UPF3B: variants seen among roughly 807,000 people sequenced by gnomAD.
UPF3B encodes the protein UPF3B regulator of nonsense mediated mRNA decay.
UPF3B carries 7 observed loss-of-function variants against 40.3 expected under a neutral mutation model. The ratio of observed to expected loss-of-function variants is 0.17; its 90% CI spans 0.10 to 0.33. UPF3B has a LOEUF of 0.33. UPF3B is among the 10% of genes least tolerant of loss of function. The pLI is 1.00. For synonymous variants in UPF3B, 117 were observed against 117.3 expected (o/e 1.00, Z 0.01); for missense variants, 229 against 358.9 (o/e 0.64, Z 2.93).
At chrX:119,826,096 G>A (rs1450174519) in intron 3 of UPF3B, among the ~76,000 whole-genome samples, 1 of 111,786 alleles carries the variant, frequency 8.9e-6, no homozygotes, top group Non-Finnish European at 1.9e-5. Flanking sequence ...GGGAGGCGGA[G>A]CTTGCAGTGA....
At chrX:119,820,734 G>T (rs1459889920) in intron 4 of UPF3B, among the ~76,000 whole-genome samples, 1 of 110,873 alleles carries the variant, frequency 9.0e-6, no homozygotes, top group East Asian at 2.8e-4. Flanking sequence ...CTCCCAAAGT[G>T]CTGGGATTAC....
At chrX:119,807,672 AC>A in intron 5 of UPF3B, 2 of 472,299 alleles carry the variant, frequency 4.2e-6, no homozygotes, top group Non-Finnish European at 5.2e-6. Context: ...ATTAATATAT[AC>A]TAAAGCTCAG....
At chrX:119,831,267 G>C (rs1037954887), downstream of UPF3B, among the ~76,000 whole-genome samples, 3 of 110,400 alleles carry the variant, frequency 2.7e-5, no homozygotes, top group African/African-American at 6.6e-5. Context: ...TGGCTGCCTA[G>C]ACAGTCAGGA....
chrX:119,816,883 GT>G (rs1246252351), intron 4 of UPF3B, among the ~76,000 whole-genome samples: 2 of 111,439 alleles, frequency 1.8e-5, no homozygotes, highest in South Asian at 7.5e-4. Context: ...ATATTAATTG[GT>G]TTTCACACTA....
At chrX:119,830,727 T>C (rs1201136573), downstream of UPF3B, among the ~76,000 whole-genome samples, 1 of 103,797 alleles carries the variant, frequency 9.6e-6, no homozygotes, top group Non-Finnish European at 1.9e-5. Flanking sequence ...AGAGATGAAT[T>C]CAGTACTGTG....
At chrX:119,820,696 T>A (rs2147762681) in intron 4 of UPF3B, among the ~76,000 whole-genome samples, 1 of 109,468 alleles carries the variant, frequency 9.1e-6, no homozygotes, top group Admixed American at 9.8e-5. Flanking sequence ...CTCGAACTCC[T>A]GACCTCAGGT....
chrX:119,837,675 T>A, intron 10 of UPF3B, 82 bp downstream of exon 10: 2 of 906,302 alleles, frequency 2.2e-6, no homozygotes, highest in Non-Finnish European at 1.5e-6. Flanking sequence ...AATTCTATAA[T>A]AACAGTGCCC....
intron 5 of UPF3B, among the ~76,000 whole-genome samples, chrX:119,842,581 CACACACACACACACACACACACAT>C (rs991868371): frequency 1.0e-4 from 6 of 59,574 alleles, no homozygotes; most frequent in Admixed American, 2.1e-4. Flanking sequence ...CTCCATCTCT[CACACACACACACACACACACACAT>C]ACACACACAC....
downstream of UPF3B, chrX:119,833,921 A>G (rs1471412062): frequency 3.8e-6 from 2 of 532,827 alleles, no homozygotes; most frequent in Non-Finnish European, 4.6e-6. Flanking sequence ...CATGAGTTAA[A>G]GCTCCCTTAG....
At chrX:119,835,518 A>AGCC (rs750053994) in intron 10 of UPF3B, among the ~76,000 whole-genome samples, 3 of 112,087 alleles carry the variant, frequency 2.7e-5, no homozygotes, top group Non-Finnish European at 5.6e-5. Flanking sequence ...TACAGGCATG[A>AGCC]GCCATCATGC....
At chrX:119,841,890 T>G in intron 5 of UPF3B, 112 bp from the exon 6 acceptor site, 2 of 558,537 alleles carry the variant, frequency 3.6e-6, no homozygotes, top group Non-Finnish European at 6.1e-6. Context: ...ACACCCCTTA[T>G]GCAGAAAGAT....
At position 119,816,268 on chromosome X, in the gene UPF3B, A is replaced by G. The variant is rs187324583; in HGVS notation, c.495-961T>C. Among the ~76,000 whole-genome samples the G allele has an allele frequency of 5.6e-3, 622 of 111,528 alleles. 2 individuals are homozygous for G. The highest frequency in any genetic ancestry group is 9.2e-3 in the Non-Finnish European group (489 of 53,047). ...TGAAGGCTCTCCTGTGGTTTCACCA[A>G]TTGATCTGCTTGAGGGATTTTCTCC... On this transcript the variant is annotated intron_variant, in intron 4 of 6. Transcript: ENST00000636792.
intron 4 of UPF3B, among the ~76,000 whole-genome samples, chrX:119,820,971 G>C (rs1403143786): frequency 9.0e-6 from 1 of 111,427 alleles, no homozygotes; most frequent in Non-Finnish European, 1.9e-5. Flanking sequence ...TATGGGACCA[G>C]AACAGTTGAT....
chrX:119,809,887 T>G (rs140239630), intron 5 of UPF3B, among the ~76,000 whole-genome samples: 53 of 111,558 alleles, frequency 4.8e-4, no homozygotes, highest in African/African-American at 1.6e-3. Context: ...AAACGTCAAA[T>G]TTAGGGTGAG....
chrX:119,809,644 C>T (rs977786554), intron 5 of UPF3B, among the ~76,000 whole-genome samples: 3 of 111,948 alleles, frequency 2.7e-5, no homozygotes, highest in African/African-American at 9.7e-5. Context: ...ATAGCTTGAA[C>T]TGGGGAGGTG....
intron 10 of UPF3B, among the ~76,000 whole-genome samples, chrX:119,836,652 ATT>A (rs1189730878): frequency 1.0e-4 from 10 of 96,679 alleles, no homozygotes; most frequent in Admixed American, 2.3e-4. Flanking sequence ...ATACTATTCG[ATT>A]TTTTTTTTTT....
At chrX:119,850,067 G>C (rs1362163796) in intron 3 of UPF3B, among the ~76,000 whole-genome samples, 15 of 102,557 alleles carry the variant, frequency 1.5e-4, no homozygotes, top group Non-Finnish European at 1.4e-4. Context: ...AGGTGGGGGG[G>C]GGGAAATCAC....
At chrX:119,827,029 G>A (rs2055985679) in intron 3 of UPF3B, among the ~76,000 whole-genome samples, 1 of 111,931 alleles carries the variant, frequency 8.9e-6, no homozygotes, top group African/African-American at 3.2e-5. Flanking sequence ...AAAATGCGCA[G>A]GAAAGTTTCA....
intron 5 of UPF3B, among the ~76,000 whole-genome samples, chrX:119,810,334 G>T (rs1200556962): frequency 8.9e-6 from 1 of 112,019 alleles, no homozygotes; most frequent in Non-Finnish European, 1.9e-5. Flanking sequence ...GTCAAAAACC[G>T]CAATTACTTT....
Sources: gnomAD v4.1 joint callset for allele counts (sites outside exome capture counted in the v4.1 genomes callset) on GRCh38, gnomAD v4.1.1 for gene constraint, MANE v1.5 for transcripts, NCBI Gene and HGNC (gene_info 2026-07-23, HGNC 2026-07-21) for gene names.